The following ATRNL1 variants were observed in gnomAD, a reference collection of about 807,000 sequenced individuals.
The protein encoded by ATRNL1 is attractin-like protein 1.
A neutral mutation model predicts 182.7 loss-of-function variants in ATRNL1; 95 were observed. The ratio of observed to expected loss-of-function variants is 0.52; its 90% CI spans 0.44 to 0.62. The LOEUF (loss-of-function observed/expected upper bound fraction) is 0.62, where lower values mean the gene tolerates loss of function less well. Ranked by LOEUF, ATRNL1 falls within the 20% of genes least tolerant of loss-of-function variation. The probability of loss-of-function intolerance (pLI) is 0.00; values close to 1 mark genes in which losing one functional copy is unlikely to be tolerated. For missense variants in ATRNL1, 1,471 were observed against 1,679.5 expected, an observed-to-expected ratio of 0.88 and a Z score of 2.17; for synonymous variants, 576 against 568.3, an observed-to-expected ratio of 1.01 and a Z score of -0.19.
At chr10:115,252,183 C>T (rs1485656280) in intron 10 of ATRNL1, among the ~76,000 whole-genome samples, 1 of 152,206 alleles carries the variant, frequency 6.6e-6, no homozygotes, top group African/African-American at 2.4e-5. Context: ...CCCGCCACCA[C>T]GCCCGGCTAA....
intron 13 of ATRNL1, among the ~76,000 whole-genome samples, chr10:115,274,302 G>A (rs113481417): frequency 3.0e-4 from 46 of 152,210 alleles, no homozygotes; most frequent in Admixed American, 6.5e-4. Context: ...CTTGGTAAAT[G>A]GGTCAAAGTA....
chr10:115,769,684 T>C (rs112168358), intron 27 of ATRNL1, among the ~76,000 whole-genome samples: 1 of 152,196 alleles, frequency 6.6e-6, no homozygotes, highest in African/African-American at 2.4e-5. Flanking sequence ...GATAACTGGC[T>C]GATTTCGGCC....
chr10:115,100,559 C>T (rs1196046094), intron 1 of ATRNL1, among the ~76,000 whole-genome samples: 12 of 152,112 alleles, frequency 7.9e-5, no homozygotes, highest in Non-Finnish European at 2.9e-5. Context: ...TGAAACCATT[C>T]ATATATTTGT....
chr10:115,426,138 A>G, intron 20 of ATRNL1, 112 bp from the exon 21 acceptor site: 3 of 715,938 alleles, frequency 4.2e-6, no homozygotes, highest in Non-Finnish European at 6.9e-6. Flanking sequence ...AAATAATGGT[A>G]TAGTTTTAAA....
intron 9 of ATRNL1, among the ~76,000 whole-genome samples, chr10:115,237,690 A>G (rs1395330319): frequency 6.6e-6 from 1 of 152,124 alleles, no homozygotes; most frequent in African/African-American, 2.4e-5. Flanking sequence ...TCATTCTCAT[A>G]ACAATGTCTT....
At chr10:115,233,393 C>T (rs1784545763) in intron 9 of ATRNL1, among the ~76,000 whole-genome samples, 1 of 152,070 alleles carries the variant, frequency 6.6e-6, no homozygotes, top group South Asian at 2.1e-4. Context: ...TTATGTCTAA[C>T]AGTTTGCTGT....
intron 26 of ATRNL1, among the ~76,000 whole-genome samples, chr10:115,682,883 T>A (rs1027044776): frequency 6.6e-6 from 1 of 152,256 alleles, no homozygotes; most frequent in Admixed American, 6.5e-5. Flanking sequence ...GGAAAGAGAT[T>A]AAAGGCACAG....
At chr10:115,597,307 A>G (rs1190570373) in intron 26 of ATRNL1, among the ~76,000 whole-genome samples, 1 of 152,152 alleles carries the variant, frequency 6.6e-6, no homozygotes, top group East Asian at 1.9e-4. Context: ...ATTTATTCAT[A>G]ATTACACAAA....
chr10:115,127,982 G>A (rs782217453), intron 4 of ATRNL1, among the ~76,000 whole-genome samples: 15 of 152,148 alleles, frequency 9.9e-5, no homozygotes, highest in Non-Finnish European at 1.6e-4. Context: ...AAGTAAACAA[G>A]TACTAGTGTA....
chr10:115,425,557 C>T (rs559002137), intron 20 of ATRNL1, among the ~76,000 whole-genome samples: 2 of 151,932 alleles, frequency 1.3e-5, no homozygotes, highest in African/African-American at 4.8e-5. Context: ...TTTTCTCCCA[C>T]TGCTGTAGTT....
intron 28 of ATRNL1, among the ~76,000 whole-genome samples, chr10:115,869,959 C>T (rs1951538551): frequency 8.8e-6 from 1 of 113,318 alleles, no homozygotes. Context: ...ATGTTGTTCC[C>T]AGACCTTTTT....
intron 25 of ATRNL1, among the ~76,000 whole-genome samples, chr10:115,528,516 TTTTC>T (rs1851378522): frequency 7.0e-6 from 1 of 143,740 alleles, no homozygotes. Context: ...TTTCTTTCTC[TTTTC>T]TTTTTTTTTG....
chr10:115,676,671 G>A (rs549849386), intron 26 of ATRNL1, among the ~76,000 whole-genome samples: 2 of 151,946 alleles, frequency 1.3e-5, no homozygotes, highest in South Asian at 4.2e-4. Flanking sequence ...AATTTATGCT[G>A]TGTCAAATGT....
At chr10:115,102,547 G>A (rs1198935880) in intron 1 of ATRNL1, among the ~76,000 whole-genome samples, 6 of 152,044 alleles carry the variant, frequency 3.9e-5, no homozygotes, top group South Asian at 2.1e-4. Flanking sequence ...AGGTTCAAGC[G>A]GTTCTCCTGC....
chr10:115,612,079 C>T (rs1319241828), intron 26 of ATRNL1, among the ~76,000 whole-genome samples: 2 of 151,968 alleles, frequency 1.3e-5, no homozygotes, highest in African/African-American at 2.4e-5. Context: ...GGTGAAACCC[C>T]ATCTCTACTA....
chr10:115,586,481 T>C (rs4291590), intron 26 of ATRNL1, among the ~76,000 whole-genome samples: 60,545 of 88,548 alleles, frequency 0.68, 19,833 homozygotes, highest in Middle Eastern at 0.72. Flanking sequence ...CTAAACTTCC[T>C]TTCTCACTTC....
At chr10:115,496,351 C>T (rs1487887361) in intron 24 of ATRNL1, among the ~76,000 whole-genome samples, 4 of 152,114 alleles carry the variant, frequency 2.6e-5, no homozygotes, top group Non-Finnish European at 5.9e-5. Context: ...AGATTTAGCA[C>T]TCCTTAAGGA....
intron 11 of ATRNL1, 93 bp from the exon 12 acceptor site, chr10:115,266,702 ATG>A: frequency 1.5e-6 from 1 of 682,756 alleles, no homozygotes; most frequent in Non-Finnish European, 2.4e-6. Context: ...ATAGTATAAA[ATG>A]TATATTTAAA....
intron 21 of ATRNL1, among the ~76,000 whole-genome samples, chr10:115,459,410 A>G (rs1156652329): frequency 6.6e-6 from 1 of 152,170 alleles, no homozygotes; most frequent in African/African-American, 2.4e-5. Context: ...TCCCTGAGAA[A>G]GAGAATGCGC....
Sources: allele counts gnomAD v4.1 joint callset (sites outside exome capture counted in the v4.1 genomes callset), GRCh38; gene constraint gnomAD v4.1.1; transcripts MANE v1.5; gene names NCBI Gene and HGNC (gene_info 2026-07-23, HGNC 2026-07-21).